The following OLA1 variants were observed in gnomAD, a reference collection of about 807,000 sequenced individuals.
OLA1 encodes the protein obg-like ATPase 1.
A neutral mutation model predicts 48.4 loss-of-function variants in OLA1; 14 were observed. That is an observed-to-expected ratio of 0.29 (90% CI 0.19 to 0.45). The LOEUF (loss-of-function observed/expected upper bound fraction) is 0.45, where lower values mean the gene tolerates loss of function less well. OLA1 is among the 20% of genes least tolerant of loss of function. OLA1 has a pLI of 1.00. For missense variants in OLA1, 325 were observed against 467.1 expected (o/e 0.70, Z 2.80); for synonymous variants, 127 against 150.4 (o/e 0.84, Z 1.14).
intron 2 of OLA1, among the ~76,000 whole-genome samples, chr2:174,232,300 T>C (rs1027417295): frequency 6.6e-6 from 1 of 152,212 alleles, no homozygotes; most frequent in African/African-American, 2.4e-5. Context: ...CATTCTGAAT[T>C]AACTATTTAT....
intron 2 of OLA1, among the ~76,000 whole-genome samples, chr2:174,246,239 G>A (rs1318204831): frequency 2.0e-5 from 3 of 151,614 alleles, no homozygotes; most frequent in Non-Finnish European, 1.5e-5. Context: ...GGCAGAGGTT[G>A]CAGTGAGTCA....
At chr2:174,200,675 G>GT (rs1182845567) in intron 4 of OLA1, among the ~76,000 whole-genome samples, 1 of 151,988 alleles carries the variant, frequency 6.6e-6, no homozygotes, top group Non-Finnish European at 1.5e-5. Context: ...AAATCAGAAG[G>GT]TATCATTATC....
intron 2 of OLA1, among the ~76,000 whole-genome samples, chr2:174,234,666 GT>G (rs1160270515): frequency 6.6e-6 from 1 of 152,028 alleles, no homozygotes; most frequent in East Asian, 1.9e-4. Context: ...GTTTCACCCT[GT>G]TGCACAGGCT....
At chr2:174,221,445 T>C (rs950815244) in intron 4 of OLA1, among the ~76,000 whole-genome samples, 6 of 152,158 alleles carry the variant, frequency 3.9e-5, no homozygotes, top group African/African-American at 1.2e-4. Context: ...ACACTCAACC[T>C]ACCTGTTCTG....
intron 3 of OLA1, among the ~76,000 whole-genome samples, chr2:174,224,137 A>G (rs2033865): frequency 0.13 from 19,364 of 152,208 alleles, 1,447 homozygotes; most frequent in East Asian, 0.21. Flanking sequence ...GGCATGGAAA[A>G]TGAGTCCTTT....
At chr2:174,101,586 G>C (rs757653825) in intron 7 of OLA1, among the ~76,000 whole-genome samples, 11 of 152,168 alleles carry the variant, frequency 7.2e-5, no homozygotes, top group Non-Finnish European at 1.3e-4. Flanking sequence ...ATCCTGGGTT[G>C]TGAAGATATT....
chr2:174,084,984 C>G (rs1322693602), intron 7 of OLA1, among the ~76,000 whole-genome samples: 1 of 152,110 alleles, frequency 6.6e-6, no homozygotes, highest in African/African-American at 2.4e-5. Context: ...AACTGTAAAG[C>G]CTTTCATAGA....
chr2:174,209,019 G>A (rs1382299542), intron 4 of OLA1, among the ~76,000 whole-genome samples: 2 of 152,152 alleles, frequency 1.3e-5, no homozygotes, highest in African/African-American at 2.4e-5. Flanking sequence ...TCTGGGCATG[G>A]TGGCGCATGA....
chr2:174,188,314 G>A (rs543006015), intron 4 of OLA1, among the ~76,000 whole-genome samples: 51 of 151,982 alleles, frequency 3.4e-4, no homozygotes, highest in African/African-American at 9.9e-4. Context: ...GTCTCCTCAC[G>A]CCTACAAAAC....
chr2:174,163,412 G>A (rs1400212445), intron 4 of OLA1, among the ~76,000 whole-genome samples: 1 of 151,872 alleles, frequency 6.6e-6, no homozygotes, highest in Admixed American at 6.6e-5. Context: ...AATATGCCGG[G>A]TGTGGTGGCT....
chr2:174,241,561 G>A (rs763891510), intron 2 of OLA1, among the ~76,000 whole-genome samples: 1 of 152,162 alleles, frequency 6.6e-6, no homozygotes, highest in Non-Finnish European at 1.5e-5. Context: ...CTCTCCTGGG[G>A]CAGTTTGTGA....
intron 7 of OLA1, among the ~76,000 whole-genome samples, chr2:174,115,764 A>G (rs907739149): frequency 2.6e-5 from 4 of 152,092 alleles, no homozygotes; most frequent in African/African-American, 7.2e-5. Context: ...CTCTCATGGC[A>G]TGTATCCTTA....
At chr2:174,139,857 T>C (rs892013990) in intron 5 of OLA1, among the ~76,000 whole-genome samples, 1 of 109,712 alleles carries the variant, frequency 9.1e-6, no homozygotes, top group African/African-American at 3.6e-5. Context: ...AGAGTGAGAC[T>C]CAGTCTCAAA....
chr2:174,149,670 G>A (rs1393325807), intron 4 of OLA1, among the ~76,000 whole-genome samples: 1 of 152,172 alleles, frequency 6.6e-6, no homozygotes, highest in African/African-American at 2.4e-5. Context: ...GACTATTCCT[G>A]TGGTACTGGA....
chr2:174,225,623 C>T (rs1393374566), intron 3 of OLA1, among the ~76,000 whole-genome samples: 1 of 152,080 alleles, frequency 6.6e-6, no homozygotes, highest in Non-Finnish European at 1.5e-5. Context: ...GCCTGCAGAA[C>T]CATGAGCCAA....
At chr2:174,238,586 T>C (rs914553893) in intron 2 of OLA1, among the ~76,000 whole-genome samples, 5 of 151,576 alleles carry the variant, frequency 3.3e-5, no homozygotes, top group Non-Finnish European at 5.9e-5. Context: ...TTGACAAGGA[T>C]GTGAAATATT....
At chr2:174,169,020 G>A (rs377288331) in intron 4 of OLA1, among the ~76,000 whole-genome samples, 3 of 151,898 alleles carry the variant, frequency 2.0e-5, no homozygotes, top group East Asian at 1.9e-4. Flanking sequence ...GTGCAATGGC[G>A]CAATCTCAGC....
chr2:174,242,061 T>A (rs1689016108), intron 2 of OLA1, among the ~76,000 whole-genome samples: 1 of 152,254 alleles, frequency 6.6e-6, no homozygotes, highest in South Asian at 2.1e-4. Context: ...AAGTATGGTA[T>A]GGCAGTTTAC....
At position 174,200,220 on chromosome 2, in the gene OLA1, A is replaced by C. The variant is rs1687961121; in HGVS notation, c.373+22813T>G. Among the ~76,000 whole-genome samples, 3 of 152,120 alleles carry C rather than the reference A, an allele frequency of 2.0e-5. 1 individual carries two copies. The highest frequency in any genetic ancestry group is 2.0e-4 in the Admixed American group (3 of 15,276). On this transcript the variant is annotated intron_variant, in intron 4 of 10. Transcript: ENST00000284719. ...CACAAGGTTTTGAGAGCCCTTAATA[A>C]TTTTAAAAGTTTTAGAGTCTCGAGA...
Sources: allele counts gnomAD v4.1 joint callset (sites outside exome capture counted in the v4.1 genomes callset), GRCh38; gene constraint gnomAD v4.1.1; transcripts MANE v1.5; gene names NCBI Gene and HGNC (gene_info 2026-07-23, HGNC 2026-07-21).